Variants in ANGEL1 observed in about 807,000 individuals in gnomAD.
ANGEL1 encodes the protein angel homolog 1.
A neutral mutation model predicts 76.4 loss-of-function variants in ANGEL1; 62 were observed. The observed-to-expected ratio is 0.81, with a 90% CI of 0.66 to 1.00. The LOEUF (loss-of-function observed/expected upper bound fraction) is 1.00. Among genes scored for constraint, ANGEL1 ranks in the 50% least tolerant of loss-of-function variants. The probability of loss-of-function intolerance (pLI) is 0.00; values close to 1 mark genes in which losing one functional copy is unlikely to be tolerated. For missense variants in ANGEL1, 737 were observed against 836.7 expected (o/e 0.88, Z 1.47); for synonymous variants, 340 against 331.7 (o/e 1.03, Z -0.27).
intron 1 of ANGEL1, among the ~76,000 whole-genome samples, chr14:76,811,521 GGGGGC>G (rs571273508): frequency 0.11 from 5,231 of 46,912 alleles, 460 homozygotes; most frequent in African/African-American, 0.3. Flanking sequence ...GTGTAGGTGG[GGGGGC>G]GGGGGGGGCC....
intron 9 of ANGEL1, among the ~76,000 whole-genome samples, chr14:76,789,861 ATT>A (rs771023614): frequency 9.4e-4 from 55 of 58,608 alleles, no homozygotes; most frequent in African/African-American, 2.6e-3. Context: ...TGCCTGGCTA[ATT>A]TTTTTTTTTT....
At chr14:76,799,535 C>T (rs113694324) in intron 7 of ANGEL1, among the ~76,000 whole-genome samples, 1,959 of 152,096 alleles carry the variant, frequency 0.013, 13 homozygotes, top group Non-Finnish European at 0.019. Flanking sequence ...CCTCATGATC[C>T]GCCCGCCTCA....
At chr14:76,797,588 A>C (rs1242656282) in intron 7 of ANGEL1, among the ~76,000 whole-genome samples, 1 of 152,040 alleles carries the variant, frequency 6.6e-6, no homozygotes, top group Admixed American at 6.6e-5. Flanking sequence ...TGACAGAGTG[A>C]GACTCCGTCT....
intron 8 of ANGEL1, 80 bp from the exon 9 acceptor site, chr14:76,790,854 A>C: frequency 1.4e-6 from 2 of 1,448,626 alleles, no homozygotes; most frequent in Non-Finnish European, 1.8e-6. Flanking sequence ...GGGTTTTATG[A>C]AGATTTTTTA....
intron 2 of ANGEL1, 21 bp from the exon 3 acceptor site, chr14:76,808,169 C>T (rs1242163604): frequency 6.2e-7 from 1 of 1,602,464 alleles, no homozygotes; most frequent in Non-Finnish European, 8.5e-7. Flanking sequence ...TTGGGAGAAG[C>T]ACTCAATGGC....
chr14:76,806,773 G>C lies in ANGEL1; in HGVS notation c.1023C>G (p.Phe341Leu). ...GCAVCYKPTR[F>L]RLLCASPVEY... ...CCACAGGGCTAGCACAGAGCAGGCG[G>C]AATCTGGTAGGCTTGTAGCAGACAG... The change falls in exon 5 of 10, where the codon TTC becomes TTG. Residue 341 changes from phenylalanine (F) to leucine (L), a missense_variant. Coordinates refer to ENST00000251089, the MANE Select transcript of ANGEL1 (RefSeq NM_015305.4). 2 of 1,614,212 alleles carry C rather than the reference G, an allele frequency of 1.2e-6. No individual in the cohort carries two copies. Among genetic ancestry groups the C allele is most frequent in the Non-Finnish European group, 1.7e-6 (2 of 1,180,048 alleles).
In ANGEL1 at chr14:76,806,722, T is replaced by G; in HGVS notation, c.1074A>C (p.Leu358=). The change falls in exon 5 of 10, where the codon CTA becomes CTC. Residue 358 remains leucine, a synonymous_variant. Transcript: ENST00000251089. ...CTAAGCCCACATTATCCCGATTAAG[T>G]AGCTCCAAGCCAGGCCGGAAGTACT... ...PVEYFRPGLE[L]LNRDNVGLVL... 6.2e-7 allele frequency: 1 copy of G among 1,613,692 alleles called. No individual in the cohort carries two copies. The highest frequency in any genetic ancestry group is 8.5e-7 in the Non-Finnish European group (1 of 1,179,966).
chr14:76,803,960 G>T (rs1185136326), intron 5 of ANGEL1, 48 bp from the exon 6 acceptor site: 3 of 1,613,998 alleles, frequency 1.9e-6, no homozygotes, highest in Non-Finnish European at 2.5e-6. Context: ...GATAGAAAAA[G>T]GAAGTAACAG....
Position 76,809,560 on chromosome 14 carries a change from G to A in ANGEL1, c.148C>T (p.Arg50Trp), listed in dbSNP as rs748836721. 1.5e-5 allele frequency: 24 copies of A among 1,614,170 alleles called. No homozygotes were observed. Among genetic ancestry groups the A allele is most frequent in the Admixed American group, 6.7e-5 (4 of 60,032 alleles). ...QVEGDFAMAP[R>W]GPEQEECEGL... is the part of the protein sequence containing the mutation. ...TCACATTCCTCCTGCTCAGGGCCCC[G>A]AGGGGCCATGGCAAAGTCGCCCTCT... is the stretch of plus-strand genomic sequence containing the variant. The change falls in exon 2 of 10, where the codon CGG (arginine) becomes TGG (tryptophan). Residue 50 changes from arginine to tryptophan, a missense_variant. Physicochemically the swap from Arg to Trp is moderately radical, Grantham distance 101. Around this residue, in one of 2 missense-constraint regions of ANGEL1, gnomAD observed 441 missense variants for 449.5 expected, o/e 0.98. Transcript: ENST00000251089.
Position 76,809,043 on chromosome 14 carries a change from C to A in ANGEL1, c.649+16G>T, listed in dbSNP as rs370982535. 8.6e-5 allele frequency: 136 copies of A among 1,590,056 alleles called. 1 individual carries two copies. The highest frequency in any genetic ancestry group is 1.1e-4 in the Non-Finnish European group (132 of 1,165,076). On this transcript the variant is annotated intron_variant, in intron 2 of 9. Coordinates refer to ENST00000251089, the MANE Select transcript of ANGEL1 (RefSeq NM_015305.4). ...ACCCTGTTCCCTTGGCTCACTCAAC[C>A]AGTTGTCAGACTCACCATGATATGG... is the stretch of plus-strand genomic sequence containing the variant.
chr14:76,805,959 A>G (rs1188437865), intron 5 of ANGEL1, among the ~76,000 whole-genome samples: 1 of 152,262 alleles, frequency 6.6e-6, no homozygotes, highest in Non-Finnish European at 1.5e-5. Context: ...AAAATAGCAC[A>G]TGGCACACAC....
intron 7 of ANGEL1, among the ~76,000 whole-genome samples, chr14:76,800,844 A>G (rs1894739793): frequency 6.6e-6 from 1 of 152,062 alleles, no homozygotes; most frequent in Non-Finnish European, 1.5e-5. Context: ...ATGCTGGCGC[A>G]TGCCCAGAGC....
Position 76,803,400 on chromosome 14 carries a change from A to C in ANGEL1, c.1589T>G (p.Leu530Arg), listed in dbSNP as rs1184580351. 1 of 1,614,174 alleles carries C rather than the reference A, an allele frequency of 6.2e-7. No homozygotes were observed. The highest frequency in any genetic ancestry group is 2.2e-5 in the East Asian group (1 of 44,888). Residue 530 changes from leucine (L) to arginine (R), a missense_variant, in exon 7 of 10, where the codon CTT (leucine) becomes CGT (arginine). Leu to Arg is a moderately radical substitution (Grantham distance 102). Around this residue, in one of 2 missense-constraint regions of ANGEL1, gnomAD observed 296 missense variants for 387.2 expected, o/e 0.76. Coordinates refer to ENST00000251089, the MANE Select transcript of ANGEL1 (RefSeq NM_015305.4). Reference sequence around the variant, plus strand: ...CTTAGTATCTGTCACTCCTTCCATAAGGACCAGTCCTACTGGTCGCTGACA... The same window carrying C: ...CTTAGTATCTGTCACTCCTTCCATACGGACCAGTCCTACTGGTCGCTGACA... ...IACQRPVGLV[L>R]MEGVTDTKPE...
At chr14:76,812,128 A>G (rs200196495) in intron 1 of ANGEL1, among the ~76,000 whole-genome samples, 1 of 152,242 alleles carries the variant, frequency 6.6e-6, no homozygotes, top group South Asian at 2.1e-4. Context: ...TCTTTGAGGT[A>G]TCGACTGGGC....
At chr14:76,804,953 T>C (rs1894872278) in intron 5 of ANGEL1, among the ~76,000 whole-genome samples, 1 of 151,938 alleles carries the variant, frequency 6.6e-6, no homozygotes, top group Non-Finnish European at 1.5e-5. Flanking sequence ...GAGGTTGCAG[T>C]GAGCCGAGAT....
At position 76,808,585 on chromosome 14, in the gene ANGEL1, C is replaced by T. The variant is rs371900315; in HGVS notation, c.650-437G>A. Reference sequence around the variant, plus strand: ...TAGAAACTATGGTGTGTCCCCATCTCCCCTATGGCATGTGGCAGCATAGTG... The same window carrying T: ...TAGAAACTATGGTGTGTCCCCATCTTCCCTATGGCATGTGGCAGCATAGTG... On this transcript the variant is annotated intron_variant, in intron 2 of 9. Coordinates refer to ENST00000251089, the MANE Select transcript of ANGEL1 (RefSeq NM_015305.4). Among the ~76,000 whole-genome samples the T allele has an allele frequency of 7.2e-5, 11 of 152,324 alleles. No homozygotes were observed. In the East Asian group the frequency reaches 1.5e-3, roughly 21 times the overall value.
intron 1 of ANGEL1, chr14:76,812,181 T>TG: frequency 2.1e-6 from 2 of 946,198 alleles, no homozygotes; most frequent in Non-Finnish European, 2.5e-6. Context: ...CCGCCGGGAG[T>TG]GGGGGCAGGA....
chr14:76,812,050 C>T (rs1177332243), intron 1 of ANGEL1, among the ~76,000 whole-genome samples: 2 of 152,134 alleles, frequency 1.3e-5, no homozygotes, highest in Non-Finnish European at 2.9e-5. Context: ...TAAAACCCTC[C>T]GTAATTTCAA....
At chr14:76,802,547 C>A (rs1894796934) in intron 7 of ANGEL1, among the ~76,000 whole-genome samples, 1 of 152,122 alleles carries the variant, frequency 6.6e-6, no homozygotes, top group South Asian at 2.1e-4. Context: ...TCTCATCTAC[C>A]CTCTCTACCA....
Sources: gnomAD v4.1 joint callset for allele counts (sites outside exome capture counted in the v4.1 genomes callset) on GRCh38, gnomAD v4.1.1 for gene constraint, gnomAD v4.1.1 regional missense constraint, MANE v1.5 for transcripts, NCBI Gene and HGNC (gene_info 2026-07-23, HGNC 2026-07-21) for gene names.